The following HRC variants were observed in gnomAD, a reference collection of about 807,000 sequenced individuals.
HRC encodes the protein histidine rich calcium binding protein.
A neutral mutation model predicts 61.4 loss-of-function variants in HRC; 41 were observed. That is an observed-to-expected ratio of 0.67 (90% confidence interval 0.52 to 0.87). HRC has a LOEUF of 0.87. HRC is among the 40% of genes least tolerant of loss of function. The pLI is 0.00. For missense variants in HRC, 839 were observed against 885.8 expected, an observed-to-expected ratio of 0.95 and a Z score of 0.67; for synonymous variants, 308 against 326.6, an observed-to-expected ratio of 0.94 and a Z score of 0.62.
Position 49,151,285 on chromosome 19 carries a change from G to A in HRC, c.*11C>T. 1 of 1,548,924 alleles carries A rather than the reference G, an allele frequency of 6.5e-7. No individual in the cohort carries two copies. Among genetic ancestry groups the A allele is most frequent in the Non-Finnish European group, 8.7e-7 (1 of 1,144,268 alleles). On this transcript the variant is annotated 3_prime_UTR_variant, in exon 6 of 6. Coordinates refer to ENST00000252825, the MANE Select transcript of HRC (RefSeq NM_002152.3). ...GGGGAGGTACACCTGCGTCGCAGTC[G>A]AGCGACTGGGTCAGGGTTCCGGCGT...
rs759504962 is a variant in HRC, at chr19:49,154,421, G to T, written c.817C>A (p.His273Asn). 5.0e-6 allele frequency: 8 copies of T among 1,588,774 alleles called. No individual in the cohort carries two copies. Among genetic ancestry groups the T allele is most frequent in the Non-Finnish European group, 6.9e-6 (8 of 1,161,684 alleles). Residue 273 changes from histidine to asparagine, a missense_variant, in exon 1 of 6, where the codon CAC (histidine) becomes AAC (asparagine). Coordinates refer to ENST00000252825, the MANE Select transcript of HRC (RefSeq NM_002152.3). ...TCCTCTTCAATCCCGTGGCCTTGGT[G>T]CCTGTGAGCCTGGTGTCTATATTCA... ...SIEYRHQAHR[H>N]QGHGIEEDED...
At chr19:49,151,794 A>G (rs536053589) in intron 4 of HRC, among the ~76,000 whole-genome samples, 2 of 150,722 alleles carry the variant, frequency 1.3e-5, no homozygotes, top group African/African-American at 2.4e-5. Flanking sequence ...CCGCATCTCA[A>G]CCCTCCACTC....
Position 49,152,335 on chromosome 19 carries a change from A to C in HRC, c.1946T>G (p.Met649Arg), listed in dbSNP as rs1292522993. ...CTGGCACTGGTCGCAGTGCTCACCC[A>C]TGTTCTCCTCATCACAGTGACAGCT... ...CESCHCDEEN[M>R]GEHCDQCQHC... Residue 649 changes from methionine (M) to arginine (R), a missense_variant, in exon 3 of 6, where the codon ATG becomes AGG. Physicochemically the swap from Met to Arg is moderately conservative, Grantham distance 91. Transcript: ENST00000252825. 4 of 1,613,658 alleles carry C rather than the reference A, an allele frequency of 2.5e-6. No individual in the cohort carries two copies. In the East Asian group the frequency reaches 8.9e-5, roughly 36 times the overall value.
chr19:49,154,578 C>T lies in HRC; in HGVS notation c.660G>A (p.Gly220=), dbSNP rs776329791. 1 of 1,596,898 alleles carries T rather than the reference C, an allele frequency of 6.3e-7. No individual in the cohort carries two copies. Among genetic ancestry groups the T allele is most frequent in the African/African-American group, 1.5e-5 (1 of 65,984 alleles). ...GHQAHRHRGH[G]SEEDEDVSDG... is the part of the protein sequence containing the mutation. Reference sequence around the variant, plus strand: ...CTGAGACATCCTCATCCTCTTCACTCCCATGGCCTCGGTGCCTGTGGGCCT... The same window carrying T: ...CTGAGACATCCTCATCCTCTTCACTTCCATGGCCTCGGTGCCTGTGGGCCT... The change falls in exon 1 of 6, where the codon GGG becomes GGA. Residue 220 remains glycine, a synonymous_variant. Coordinates refer to ENST00000252825, the MANE Select transcript of HRC (RefSeq NM_002152.3).
rs1233385674 is a variant in HRC at position 49,152,352 on chromosome 19, G to T, written c.1929C>A (p.His643Gln). ...CNRCTECESC[H>Q]CDEENMGEHC... ...GCTCACCCATGTTCTCCTCATCACA[G>T]TGACAGCTCTCACATTCAGTGCATC... Residue 643 changes from histidine (H) to glutamine (Q), a missense_variant, in exon 3 of 6, where the codon CAC becomes CAA. By Grantham distance (24) the His-to-Gln change is conservative. Coordinates refer to ENST00000252825, the MANE Select transcript of HRC (RefSeq NM_002152.3). 6.2e-7 allele frequency: 1 copy of T among 1,613,672 alleles called. No individual in the cohort carries two copies. The highest frequency in any genetic ancestry group is 8.5e-7 in the Non-Finnish European group (1 of 1,179,948).
In HRC at chr19:49,154,327, T is replaced by C; in HGVS notation, c.911A>G (p.Asp304Gly). 1 of 1,613,072 alleles carries C rather than the reference T, an allele frequency of 6.2e-7. No individual in the cohort carries two copies. Among genetic ancestry groups the C allele is most frequent in the Non-Finnish European group, 8.5e-7 (1 of 1,179,676 alleles). The change falls in exon 1 of 6, where the codon GAC (aspartate) becomes GGC (glycine). Residue 304 changes from aspartate (D) to glycine (G), a missense_variant. Coordinates refer to ENST00000252825, the MANE Select transcript of HRC (RefSeq NM_002152.3). ...SHRHRSHEED[D>G]NDDDDVSTEY... ...AGTGGAGACATCATCATCATCATTG[T>C]CATCTTCTTCATGGCTTCGGTGCCT...
In HRC at chr19:49,155,053, TG is replaced by T; in HGVS notation, c.184del (p.His62ThrfsTer313). On this transcript the variant is annotated frameshift_variant, in exon 1 of 6. Transcript: ENST00000252825. LOFTEE classifies it high-confidence loss of function. This position sits in a 1 kb window ranked among gnomAD's most constrained non-coding sequence, Gnocchi z 4.7. ...CTCATCTGGATGGTCTCTAGGGCTGTGGAGGTGGTGGCGAAGCTCTGCTGAT... is the reference window on the plus strand; with the variant it reads ...CTCATCTGGATGGTCTCTAGGGCTGTGAGGTGGTGGCGAAGCTCTGCTGAT... ...EASAELRHHL[H>X]SPRDHPDENK... The T allele has an allele frequency of 1.2e-6, 2 of 1,614,176 alleles. No homozygotes were observed. Among genetic ancestry groups the T allele is most frequent in the Middle Eastern group, 3.3e-4 (2 of 6,062 alleles).
chr19:49,153,715 C>T lies in HRC; in HGVS notation c.1523G>A (p.Gly508Asp). The change falls in exon 1 of 6, where the codon GGC becomes GAC. Residue 508 changes from glycine to aspartate, a missense_variant. By Grantham distance (94) the Gly-to-Asp change is moderately conservative. Coordinates refer to ENST00000252825, the MANE Select transcript of HRC (RefSeq NM_002152.3). The surrounding 1 kb of genome is among the most constrained non-coding windows in gnomAD (Gnocchi z 4.8). ...DDESSEQGEK[G>D]THHGSRDQED... ...CTGGTCCCGGCTGCCATGATGGGTG[C>T]CTTTCTCTCCCTGCTCTGAACTTTC... is the stretch of plus-strand genomic sequence containing the variant. The T allele has an allele frequency of 1.2e-6, 2 of 1,613,978 alleles. No individual in the cohort carries two copies. The highest frequency in any genetic ancestry group is 1.7e-6 in the Non-Finnish European group (2 of 1,179,984).
Position 49,152,324 on chromosome 19 carries a change from A to G in HRC, c.1957T>C (p.Cys653Arg), listed in dbSNP as rs2041369014. Residue 653 changes from cysteine (C) to arginine (R), a missense_variant, in exon 3 of 6, where the codon TGC becomes CGC. By Grantham distance (180) the Cys-to-Arg change is radical. Transcript: ENST00000252825. ...TGAGGTCTCACCTGGCACTGGTCGC[A>G]GTGCTCACCCATGTTCTCCTCATCA... Reference protein sequence around the residue: ...HCDEENMGEHCDQCQHCQFCY... With the variant: ...HCDEENMGEHRDQCQHCQFCY... 1.9e-6 allele frequency: 3 copies of G among 1,613,504 alleles called. No homozygotes were observed. Among genetic ancestry groups the G allele is most frequent in the Non-Finnish European group, 2.5e-6 (3 of 1,179,702 alleles).
At chr19:49,151,892 C>A in intron 4 of HRC, 112 bp downstream of exon 4, 2 of 1,068,800 alleles carry the variant, frequency 1.9e-6, no homozygotes, top group South Asian at 2.8e-5. Flanking sequence ...CCACGCCTCC[C>A]CTCTTAGCCC....
chr19:49,151,929 T>A lies in HRC; in HGVS notation c.2026+75A>T. 3 of 1,449,218 alleles carry A rather than the reference T, an allele frequency of 2.1e-6. No homozygotes were observed. The South Asian group carries it at 3.5e-5, about 17-fold the overall frequency. 89.8% of individuals were successfully genotyped at this position (1,449,218 alleles called of 1,614,324 possible). ...GCCCCACCAGCCTACCGGGCCAGGC[T>A]CCGCCCCCACCAGGATTCACCACGC... On this transcript the variant is annotated intron_variant, in intron 4 of 5. Transcript: ENST00000252825.
Position 49,153,950 on chromosome 19 carries a change from C to T in HRC, c.1288G>A (p.Val430Ile), listed in dbSNP as rs537531165. 1.9e-6 allele frequency: 3 copies of T among 1,613,282 alleles called. No homozygotes were observed. In the East Asian group the frequency reaches 6.7e-5, roughly 36 times the overall value. Residue 430 changes from valine to isoleucine, a missense_variant, in exon 1 of 6, where the codon GTC (valine) becomes ATC (isoleucine). Coordinates refer to ENST00000252825, the MANE Select transcript of HRC (RefSeq NM_002152.3). The surrounding 1 kb of genome is among the most constrained non-coding windows in gnomAD (Gnocchi z 4.8). ...GCCTGGTGGCCAAGCTCAGCAGAGA[C>T]CTCCTCATCTTCCTCCCTGGGGACT... ...HRVPREEDEE[V>I]SAELGHQAPS...
At chr19:49,152,258 C>A in intron 3 of HRC, 52 bp downstream of exon 3, 2 of 1,518,134 alleles carry the variant, frequency 1.3e-6, no homozygotes, top group Non-Finnish European at 1.8e-6. Flanking sequence ...CTCAGAGGGT[C>A]CCGGTGCATC....
intron 2 of HRC, among the ~76,000 whole-genome samples, chr19:49,152,983 G>A (rs567406101): frequency 6.6e-6 from 1 of 151,888 alleles, no homozygotes; most frequent in Non-Finnish European, 1.5e-5. Flanking sequence ...CAGCCCCTGT[G>A]CCATCCCTCC....
At position 49,153,296 on chromosome 19, in the gene HRC, G is replaced by A; in HGVS notation, c.1867C>T (p.Pro623Ser). The A allele has an allele frequency of 6.2e-7, 1 of 1,613,872 alleles. No individual in the cohort carries two copies. Among genetic ancestry groups the A allele is most frequent in the Non-Finnish European group, 8.5e-7 (1 of 1,179,800 alleles). Residue 623 changes from proline to serine, a missense_variant, in exon 2 of 6, where the codon CCA (proline) becomes TCA (serine). Coordinates refer to ENST00000252825, the MANE Select transcript of HRC (RefSeq NM_002152.3). The surrounding 1 kb of genome is among the most constrained non-coding windows in gnomAD (Gnocchi z 4.8). ...GAGCAGTAGCCACACAGGGACCCTG[G>A]CTGGTAGTTCCCATACTCCTGAGCA... ...QDAQEYGNYQ[P>S]GSLCGYCSFC...
Position 49,153,664 on chromosome 19 carries a change from C to G in HRC, c.1574G>C (p.Gly525Ala). Residue 525 changes from glycine (G) to alanine (A), a missense_variant, in exon 1 of 6, where the codon GGT (glycine) becomes GCT (alanine). Physicochemically the swap from Gly to Ala is moderately conservative, Grantham distance 60. Coordinates refer to ENST00000252825, the MANE Select transcript of HRC (RefSeq NM_002152.3). The surrounding 1 kb of genome is among the most constrained non-coding windows in gnomAD (Gnocchi z 4.8). ...CTCCTGGTTCAGGCTGAGGCCATGACCTTCCTCCTCATCCTCCTCATCTTC... is the reference window on the plus strand; with the variant it reads ...CTCCTGGTTCAGGCTGAGGCCATGAGCTTCCTCCTCATCCTCCTCATCTTC... ...DQEDEEDEEE[G>A]HGLSLNQEEE... 1 of 1,597,420 alleles carries G rather than the reference C, an allele frequency of 6.3e-7. No individual in the cohort carries two copies. The highest frequency in any genetic ancestry group is 8.6e-7 in the Non-Finnish European group (1 of 1,165,834).
In HRC at chr19:49,154,782, G is replaced by C; in HGVS notation, c.456C>G (p.Leu152=). Residue 152 remains leucine, a synonymous_variant, in exon 1 of 6, where the codon CTC becomes CTG. Coordinates refer to ENST00000252825, the MANE Select transcript of HRC (RefSeq NM_002152.3). ...GATGGCTGTGGCTCCTGTGGCTGGG[G>C]AGGTGGTGCCTGTGCTCAGCTGAGT... ...TEDSAEHRHH[L]PSHRSHSHQD... The C allele has an allele frequency of 3.7e-6, 6 of 1,614,062 alleles. No homozygotes were observed. Among genetic ancestry groups the C allele is most frequent in the Non-Finnish European group, 5.1e-6 (6 of 1,180,008 alleles).
Position 49,153,176 on chromosome 19 carries a change from C to T in HRC, c.1902+85G>A. 4 of 1,016,004 alleles carry T rather than the reference C, an allele frequency of 3.9e-6. No homozygotes were observed. The South Asian group carries it at 5.3e-5, about 13-fold the overall frequency. The allele number at this position is 1,016,004 out of a possible 1,614,324, so 62.9% of individuals were successfully genotyped here. ...GAACTGACCCTGGCCTGCCCTTGCT[C>T]TGAGCCCTCCCACAGCACCACCCCA... On this transcript the variant is annotated intron_variant, in intron 2 of 5. Transcript: ENST00000252825. This position sits in a 1 kb window ranked among gnomAD's most constrained non-coding sequence, Gnocchi z 4.8.
At chr19:49,151,910 C>T in intron 4 of HRC, 94 bp downstream of exon 4, 1 of 1,288,032 alleles carries the variant, frequency 7.8e-7, no homozygotes, top group African/African-American at 1.5e-5. Context: ...CCCCGCCCCA[C>T]CAGCCTACCG....
Sources: allele counts gnomAD v4.1 joint callset (sites outside exome capture counted in the v4.1 genomes callset), GRCh38; gene constraint gnomAD v4.1.1; non-coding constraint Gnocchi (gnomAD v3.1); transcripts MANE v1.5; gene names NCBI Gene and HGNC (gene_info 2026-07-23, HGNC 2026-07-21).